Variants in CHST9 observed in about 807,000 individuals in gnomAD.
CHST9 encodes the protein GalNAc-4-sulfotransferase 2.
A neutral mutation model predicts 44.4 loss-of-function variants in CHST9; 41 were observed. The observed-to-expected ratio is 0.92, with a 90% CI of 0.72 to 1.20. The LOEUF (loss-of-function observed/expected upper bound fraction) is 1.20, where lower values mean the gene tolerates loss of function less well. Ranked by LOEUF, CHST9 falls within the 50% of genes most tolerant of loss-of-function variation. CHST9 has a pLI of 0.00. For missense variants in CHST9, 504 were observed against 516.5 expected (o/e 0.98, Z 0.23); for synonymous variants, 171 against 178.4 (o/e 0.96, Z 0.33).
chr18:27,135,199 A>G (rs1298944710), intron 2 of CHST9, among the ~76,000 whole-genome samples: 1 of 152,170 alleles, frequency 6.6e-6, no homozygotes, highest in Non-Finnish European at 1.5e-5. Flanking sequence ...TAAAAATAAC[A>G]CAAAACAAGG....
chr18:26,932,924 C>T (rs1219254721), intron 5 of CHST9: 1 of 153,772 alleles, frequency 6.5e-6, no homozygotes, highest in Non-Finnish European at 1.5e-5. Flanking sequence ...TATCACCCTT[C>T]AGGTGGTTGT....
chr18:27,170,077 C>T (rs1242310791), intron 1 of CHST9, among the ~76,000 whole-genome samples: 1 of 152,130 alleles, frequency 6.6e-6, no homozygotes, highest in Non-Finnish European at 1.5e-5. Flanking sequence ...AATCAGGAGG[C>T]TGGTTACCTC....
intron 1 of CHST9, among the ~76,000 whole-genome samples, chr18:27,160,890 A>G (rs2058740918): frequency 6.6e-6 from 1 of 151,998 alleles, no homozygotes; most frequent in East Asian, 1.9e-4. Context: ...TTTCTAGTTT[A>G]TTTGCGTGGA....
At position 26,958,299 on chromosome 18, in the gene CHST9, T is replaced by G. The variant is rs574462756; in HGVS notation, c.203-13933A>C. Among the ~76,000 whole-genome samples the G allele has an allele frequency of 2.6e-5, 4 of 152,230 alleles. No homozygotes were observed. The East Asian group carries it at 7.8e-4, about 30-fold the overall frequency. ...ATAACAGGGATATAAATACTAAATT[T>G]GCTTATAGTTGTTTACGTTCTTTGA... is the stretch of plus-strand genomic sequence containing the variant. On this transcript the variant is annotated intron_variant, in intron 4 of 5. Transcript: ENST00000618847.
intron 5 of CHST9, among the ~76,000 whole-genome samples, chr18:26,938,208 A>G (rs953740001): frequency 6.6e-6 from 1 of 152,188 alleles, no homozygotes; most frequent in African/African-American, 2.4e-5. Flanking sequence ...CTTGGCTTCC[A>G]ATTAAAGAGG....
chr18:27,044,885 G>C (rs912946736), intron 3 of CHST9, among the ~76,000 whole-genome samples: 1 of 151,762 alleles, frequency 6.6e-6, no homozygotes, highest in South Asian at 2.1e-4. Context: ...CATGTTCAAC[G>C]TGTGTTAAAA....
chr18:26,936,812 C>G (rs2056001175), intron 5 of CHST9: 1 of 152,132 alleles, frequency 6.6e-6, no homozygotes, highest in African/African-American at 2.4e-5. Context: ...ATATATTTCA[C>G]CAGCCTATTG....
intron 2 of CHST9, among the ~76,000 whole-genome samples, chr18:27,112,962 G>T (rs1186556939): frequency 1.3e-5 from 2 of 152,028 alleles, no homozygotes; most frequent in African/African-American, 4.8e-5. Context: ...GGCCGAGGCC[G>T]GTGGATCATG....
At chr18:26,991,674 G>GCGCAGTTCC (rs2056818512) in intron 4 of CHST9, among the ~76,000 whole-genome samples, 1 of 67,052 alleles carries the variant, frequency 1.5e-5, no homozygotes, top group Non-Finnish European at 4.1e-5. Context: ...GCACCTGCCA[G>GCGCAGTTCC]TGAAAGCAGG....
chr18:26,976,935 TC>T (rs1414761741), intron 4 of CHST9, among the ~76,000 whole-genome samples: 1 of 152,098 alleles, frequency 6.6e-6, no homozygotes, highest in Non-Finnish European at 1.5e-5. Context: ...CAAGGTTTTT[TC>T]ATTTTGTTTC....
chr18:26,926,162 G>A (rs2055764003), intron 5 of CHST9, among the ~76,000 whole-genome samples: 2 of 152,308 alleles, frequency 1.3e-5, no homozygotes, highest in African/African-American at 4.8e-5. Flanking sequence ...TCCAAGCTAT[G>A]AGCTTTAAAA....
intron 2 of CHST9, among the ~76,000 whole-genome samples, chr18:27,055,606 A>G (rs1490012929): frequency 1.3e-5 from 2 of 152,188 alleles, no homozygotes; most frequent in East Asian, 3.9e-4. Context: ...GGGATGTGGA[A>G]TTGGACAATA....
intron 5 of CHST9, among the ~76,000 whole-genome samples, chr18:26,927,622 A>G (rs1292095341): frequency 6.6e-6 from 1 of 152,138 alleles, no homozygotes; most frequent in East Asian, 1.9e-4. Flanking sequence ...AAAGAGCAGT[A>G]TTGCCACCAG....
chr18:26,963,526 T>C (rs1228365696), intron 4 of CHST9, among the ~76,000 whole-genome samples: 1 of 150,504 alleles, frequency 6.6e-6, no homozygotes, highest in Non-Finnish European at 1.5e-5. Context: ...CACAGAGCCC[T>C]AGGGTGCTGG....
At chr18:27,023,337 C>T (rs2057246986) in intron 4 of CHST9, among the ~76,000 whole-genome samples, 1 of 152,118 alleles carries the variant, frequency 6.6e-6, no homozygotes, top group African/African-American at 2.4e-5. Context: ...CTTCCATCCA[C>T]ATGTTACACA....
At chr18:26,941,539 T>C (rs1001391034) in intron 5 of CHST9, among the ~76,000 whole-genome samples, 2 of 151,938 alleles carry the variant, frequency 1.3e-5, no homozygotes, top group African/African-American at 4.8e-5. Context: ...TCTAGTATCA[T>C]AAAAATTATT....
At chr18:26,958,556 C>T (rs969589791) in intron 4 of CHST9, among the ~76,000 whole-genome samples, 1 of 151,648 alleles carries the variant, frequency 6.6e-6, no homozygotes, top group African/African-American at 2.4e-5. Flanking sequence ...ACCTACAGAA[C>T]AGGAGAAAAT....
intron 5 of CHST9, among the ~76,000 whole-genome samples, chr18:26,924,212 G>A (rs959924920): frequency 4.0e-4 from 61 of 152,160 alleles, no homozygotes; most frequent in African/African-American, 1.4e-3. Context: ...AGACAATGGG[G>A]TAAGAATGAA....
At chr18:27,065,897 T>C (rs2057777330) in intron 2 of CHST9, among the ~76,000 whole-genome samples, 1 of 152,220 alleles carries the variant, frequency 6.6e-6, no homozygotes, top group South Asian at 2.1e-4. Context: ...CAAAAGTTTA[T>C]GGCCCATCTT....
Sources: gnomAD v4.1 joint callset for allele counts (sites outside exome capture counted in the v4.1 genomes callset) on GRCh38, gnomAD v4.1.1 for gene constraint, MANE v1.5 for transcripts, NCBI Gene and HGNC (gene_info 2026-07-23, HGNC 2026-07-21) for gene names.